MYPN: variants seen among roughly 807,000 people sequenced by gnomAD.
The protein encoded by MYPN is sarcomeric protein myopalladin, 145 kDa (MYOP).
MYPN carries 63 observed loss-of-function variants against 129.4 expected under a neutral mutation model. That is an observed-to-expected ratio of 0.49 (90% CI 0.40 to 0.60). The LOEUF is 0.60. Among genes scored for constraint, MYPN ranks in the 20% least tolerant of loss-of-function variants. The probability of loss-of-function intolerance (pLI) is 0.00; values close to 1 mark genes in which losing one functional copy is unlikely to be tolerated. For missense variants in MYPN, 1,596 were observed against 1,635.4 expected, an observed-to-expected ratio of 0.98 and a Z score of 0.42; for synonymous variants, 629 against 600.9, an observed-to-expected ratio of 1.05 and a Z score of -0.68.
chr10:68,206,831 G>A lies in MYPN; in HGVS notation c.3721G>A (p.Ala1241Thr), dbSNP rs1340955437. The A allele has an allele frequency of 8.7e-6, 14 of 1,614,198 alleles. No homozygotes were observed. The highest frequency in any genetic ancestry group is 1.6e-4 in the Middle Eastern group (1 of 6,062). ...LLIQPAKKSD[A>T]GWYTLSAKNE... is the part of the protein sequence containing the mutation. ...CATTCAGCCAGCCAAGAAATCAGAC[G>A]CTGGATGGTACACGTTGTCAGCCAA... Residue 1241 changes from alanine to threonine, a missense_variant, in exon 19 of 20, where the codon GCT (alanine) becomes ACT (threonine). Transcript: ENST00000358913.
chr10:68,169,906 A>G (rs897525785), intron 10 of MYPN, among the ~76,000 whole-genome samples: 7 of 151,914 alleles, frequency 4.6e-5, no homozygotes, highest in Admixed American at 2.6e-4. Context: ...CGCCTGGATA[A>G]TTTTTGTATT....
chr10:68,105,722 T>A (rs1265585155), upstream of MYPN, among the ~76,000 whole-genome samples: 1 of 152,234 alleles, frequency 6.6e-6, no homozygotes, highest in Admixed American at 6.5e-5. Context: ...AATAATTGAT[T>A]GTTTTTTCGT....
chr10:68,128,294 A>T (rs567378945), intron 2 of MYPN, among the ~76,000 whole-genome samples: 22 of 152,346 alleles, frequency 1.4e-4, no homozygotes, highest in African/African-American at 5.3e-4. Context: ...TTGCTTGTAC[A>T]CAACCTTTCC....
chr10:68,197,929 T>A (rs1564696617), intron 16 of MYPN, among the ~76,000 whole-genome samples: 1 of 152,010 alleles, frequency 6.6e-6, no homozygotes, highest in African/African-American at 2.4e-5. Context: ...GGTGGGCAAA[T>A]GGGTGATTCA....
intron 2 of MYPN, among the ~76,000 whole-genome samples, chr10:68,129,641 C>T (rs2042379312): frequency 1.3e-5 from 2 of 152,110 alleles, no homozygotes; most frequent in South Asian, 4.1e-4. Flanking sequence ...TATGATAATA[C>T]CAAATTGTTT....
rs181693496 is a variant in MYPN at position 68,157,799 on chromosome 10, A to G, written c.1318-687A>G. ...TGAAGCTGCAGTGAGCCATGATCAC[A>G]ACACTGCACACCAGCCTGGGAAAGA... On this transcript the variant is annotated intron_variant, in intron 6 of 19. Transcript: ENST00000358913. Among the ~76,000 whole-genome samples, 572 of 151,460 alleles carry G rather than the reference A, an allele frequency of 3.8e-3. 3 individuals are homozygous for G. The highest frequency in any genetic ancestry group is 0.013 in the African/African-American group (551 of 41,328).
At chr10:68,201,011 A>G (rs1040244227) in intron 17 of MYPN, among the ~76,000 whole-genome samples, 1 of 152,118 alleles carries the variant, frequency 6.6e-6, no homozygotes, top group African/African-American at 2.4e-5. Flanking sequence ...TCCTGGCCAA[A>G]TCTCTAAAAG....
intron 6 of MYPN, among the ~76,000 whole-genome samples, chr10:68,150,731 A>G (rs1459788035): frequency 1.3e-5 from 2 of 152,202 alleles, no homozygotes; most frequent in African/African-American, 4.8e-5. Context: ...CAGGACTACA[A>G]ACAAGTTGTC....
chr10:68,169,263 C>G (rs1380237620), intron 10 of MYPN, among the ~76,000 whole-genome samples: 1 of 140,410 alleles, frequency 7.1e-6, no homozygotes, highest in Non-Finnish European at 1.5e-5. Context: ...GAGGCTGAGG[C>G]GGGAGAATGG....
At chr10:68,175,075 G>T (rs2043205905) in intron 11 of MYPN, among the ~76,000 whole-genome samples, 1 of 152,062 alleles carries the variant, frequency 6.6e-6, no homozygotes, top group Admixed American at 6.6e-5. Flanking sequence ...GGCGGAGGTT[G>T]CAGTGAGCCG....
At chr10:68,118,057 T>C (rs1564645133) in intron 1 of MYPN, among the ~76,000 whole-genome samples, 1 of 152,080 alleles carries the variant, frequency 6.6e-6, no homozygotes, top group Non-Finnish European at 1.5e-5. Flanking sequence ...AAAGAAATCT[T>C]TATTTTGAAT....
chr10:68,150,118 A>C lies in MYPN; in HGVS notation c.1317+7A>C, dbSNP rs751723015. 14 of 1,604,928 alleles carry C rather than the reference A, an allele frequency of 8.7e-6. No individual in the cohort carries two copies. The Admixed American group carries it at 2.3e-4, about 27-fold the overall frequency. On this transcript the variant is annotated splice_region_variant and intron_variant, in intron 6 of 19. Transcript: ENST00000358913. ...AGCTCCTGTGTTTACAAAGGTAATA[A>C]AAATATTACTTCTTTCTGTCATGGC...
At chr10:68,165,681 T>C (rs2043042030) in intron 8 of MYPN, 21 bp from the exon 9 acceptor site, 1 of 1,551,390 alleles carries the variant, frequency 6.4e-7, no homozygotes, top group African/African-American at 1.4e-5. Flanking sequence ...TCAGTAACCA[T>C]TCTGTTTCAC....
intron 19 of MYPN, 55 bp from the exon 20 acceptor site, chr10:68,210,231 T>A: frequency 6.3e-7 from 1 of 1,594,812 alleles, no homozygotes; most frequent in South Asian, 1.1e-5. Flanking sequence ...CTCTGCAGCG[T>A]ACATGCTGGA....
intron 18 of MYPN, among the ~76,000 whole-genome samples, chr10:68,206,501 G>T (rs961803565): frequency 1.3e-5 from 2 of 152,126 alleles, no homozygotes; most frequent in African/African-American, 4.8e-5. Context: ...TCTGAACTTT[G>T]GTTGTGAAAA....
rs756541129 is a variant in MYPN at position 68,121,893 on chromosome 10, A to G, written c.455A>G (p.Asn152Ser). 4 of 1,614,222 alleles carry G rather than the reference A, an allele frequency of 2.5e-6. No individual in the cohort carries two copies. The highest frequency in any genetic ancestry group is 2.2e-5 in the East Asian group (1 of 44,878). The stretch of plus-strand genomic sequence containing the variant: ...ACCCAGTCCAAAAAAGTATTTTTAA[A>G]TAAGGCTGCCGACTTCATTGAAGAG... ...SETQSKKVFL[N>S]KAADFIEELS... The change falls in exon 2 of 20, where the codon AAT becomes AGT. Residue 152 changes from asparagine to serine, a missense_variant. By Grantham distance (46) the Asn-to-Ser change is conservative. Coordinates refer to ENST00000358913, the MANE Select transcript of MYPN (RefSeq NM_032578.4).
At chr10:68,145,999 T>G (rs934720264) in intron 4 of MYPN, among the ~76,000 whole-genome samples, 13 of 152,208 alleles carry the variant, frequency 8.5e-5, no homozygotes, top group African/African-American at 2.9e-4. Flanking sequence ...TCTTTTATAG[T>G]GTCCAAACTA....
chr10:68,175,606 T>C lies in MYPN; in HGVS notation c.2703+145T>C, dbSNP rs1332927799. 1.1e-5 allele frequency: 10 copies of C among 870,092 alleles called. No individual in the cohort carries two copies. The Admixed American group carries it at 1.6e-4, about 14-fold the overall frequency. The allele number at this position is 870,092 out of a possible 1,614,324, so 53.9% of individuals were successfully genotyped here. The stretch of plus-strand genomic sequence containing the variant: ...TAGAGCACAGACTAACCAAAGGTCA[T>C]GTGAGAAACCTGCCTGTGTGGATCT... On this transcript the variant is annotated intron_variant, in intron 12 of 19. Transcript: ENST00000358913.
chr10:68,090,457 G>A (rs923723032), intron 1 of MYPN, among the ~76,000 whole-genome samples: 5 of 152,248 alleles, frequency 3.3e-5, no homozygotes, highest in Admixed American at 6.5e-5. Context: ...GAGCCACCGC[G>A]CCAGGCCTCA....
Sources: allele counts gnomAD v4.1 joint callset (sites outside exome capture counted in the v4.1 genomes callset), GRCh38; gene constraint gnomAD v4.1.1; transcripts MANE v1.5; gene names NCBI Gene and HGNC (gene_info 2026-07-23, HGNC 2026-07-21).